The following DHX37 variants were observed in gnomAD, a reference collection of about 807,000 sequenced individuals.
DHX37 encodes the protein DEAH-box helicase 37, also known as probable ATP-dependent RNA helicase DHX37.
In DHX37, 52 loss-of-function variants were observed where a neutral mutation model predicts 134.3. The observed-to-expected ratio is 0.39, with a 90% CI of 0.31 to 0.49. The LOEUF (loss-of-function observed/expected upper bound fraction) is 0.49, where lower values mean the gene tolerates loss of function less well. Ranked by LOEUF, DHX37 falls within the 20% of genes least tolerant of loss-of-function variation. The pLI, the probability that DHX37 is intolerant of heterozygous loss-of-function variation, is 0.93. For synonymous variants in DHX37, 634 were observed against 670.7 expected (o/e 0.95, Z 0.85); for missense variants, 1,344 against 1,580.8 (o/e 0.85, Z 2.54).
At chr12:124,973,408 A>G (rs957284973) in intron 6 of DHX37, among the ~76,000 whole-genome samples, 1 of 152,020 alleles carries the variant, frequency 6.6e-6, no homozygotes, top group African/African-American at 2.4e-5. Flanking sequence ...CGTCTCAAAA[A>G]AGAAAAAAAA....
chr12:124,973,342 TGCAGTGAGCCAAGATC>T (rs1954559950), intron 6 of DHX37, among the ~76,000 whole-genome samples: 1 of 151,704 alleles, frequency 6.6e-6, no homozygotes, highest in Non-Finnish European at 1.5e-5. Context: ...AGGCAAAGGT[TGCAGTGAGCCAAGATC>T]GCACCACTGA....
At chr12:124,966,358 C>T (rs149922608) in intron 12 of DHX37, among the ~76,000 whole-genome samples, 1,595 of 152,078 alleles carry the variant, frequency 0.01, 26 homozygotes, top group African/African-American at 0.037. Context: ...GTAGCCACCA[C>T]GCCTGGCCTT....
chr12:124,980,390 C>A lies in DHX37; in HGVS notation c.738+100G>T. 1.5e-6 allele frequency: 2 copies of A among 1,304,534 alleles called. No individual in the cohort carries two copies. Among genetic ancestry groups the A allele is most frequent in the South Asian group, 2.8e-5 (2 of 70,550 alleles). The allele number at this position is 1,304,534 out of a possible 1,614,324, so 80.8% of individuals were successfully genotyped here. A position where few individuals can be genotyped will look rare whatever the true frequency, so the allele number is the denominator to read the frequency against. ...CCTTTCCCAGATGGGGACATGGAGG[C>A]ACAGAGAAGGGATGCCCTTGCCCCA... On this transcript the variant is annotated intron_variant, in intron 4 of 26. Transcript: ENST00000308736. This position sits in a 1 kb window ranked among gnomAD's most constrained non-coding sequence, Gnocchi z 5.3.
intron 15 of DHX37, among the ~76,000 whole-genome samples, chr12:124,961,947 A>G (rs184407611): frequency 5.8e-4 from 88 of 152,250 alleles, no homozygotes; most frequent in African/African-American, 2.0e-3. Context: ...AAGCTTTCAT[A>G]TTAAAAAAAA....
At chr12:124,964,063 C>G (rs1008148892) in intron 15 of DHX37, among the ~76,000 whole-genome samples, 1 of 151,632 alleles carries the variant, frequency 6.6e-6, no homozygotes, top group Non-Finnish European at 1.5e-5. Context: ...GGCGTGGTGG[C>G]GCACACCAGT....
At chr12:124,952,210 T>C (rs897731363) in intron 21 of DHX37, among the ~76,000 whole-genome samples, 188 bp downstream of exon 21, 1 of 152,078 alleles carries the variant, frequency 6.6e-6, no homozygotes, top group Non-Finnish European at 1.5e-5. Context: ...CACTAAACTG[T>C]TATTAAAAAA....
intron 6 of DHX37, among the ~76,000 whole-genome samples, chr12:124,975,008 T>G (rs1954604161): frequency 6.6e-6 from 1 of 152,132 alleles, no homozygotes; most frequent in Non-Finnish European, 1.5e-5. Context: ...ATTCCAGACC[T>G]CAGGTGATCT....
intron 6 of DHX37, among the ~76,000 whole-genome samples, chr12:124,974,289 TA>T (rs10719401): frequency 0.66 from 100,272 of 151,504 alleles, 33,652 homozygotes; most frequent in East Asian, 0.77. Flanking sequence ...TTTAACAAGT[TA>T]AAAAGAGAAT....
chr12:124,984,258 C>T (rs1297544786), intron 2 of DHX37, among the ~76,000 whole-genome samples: 2 of 152,170 alleles, frequency 1.3e-5, no homozygotes, highest in Admixed American at 1.3e-4. Context: ...TAAGGCTGGG[C>T]GCAGTGGCTC....
chr12:124,976,085 G>A (rs1165369605), intron 5 of DHX37, among the ~76,000 whole-genome samples: 4 of 152,148 alleles, frequency 2.6e-5, no homozygotes, highest in Non-Finnish European at 4.4e-5. Context: ...GGGCTTAGGC[G>A]ACCCCAGTAA....
intron 16 of DHX37, 119 bp from the exon 17 acceptor site, chr12:124,957,254 G>T: frequency 1.1e-6 from 1 of 934,152 alleles, no homozygotes; most frequent in Non-Finnish European, 1.5e-6. Context: ...GCTCATGCCA[G>T]TGGGGACACA....
chr12:124,961,280 A>ACACACATACACGCGTGCACGCACG (rs1566332668), intron 15 of DHX37, among the ~76,000 whole-genome samples: 5 of 115,054 alleles, frequency 4.3e-5, no homozygotes, highest in African/African-American at 1.8e-4. Context: ...GCGTGCACGC[A>ACACACATACACGCGTGCACGCACG]CACACACTTA....
chr12:124,966,914 T>C, intron 11 of DHX37, 36 bp from the exon 12 acceptor site: 1 of 1,613,410 alleles, frequency 6.2e-7, no homozygotes, highest in South Asian at 1.1e-5. Context: ...AAGGCGTCTG[T>C]GGCCGGCGTG....
In DHX37 at chr12:124,956,879, C is replaced by T. The variant is rs1364248127; in HGVS notation, c.2265G>A (p.Arg755=). 5 of 1,584,828 alleles carry T rather than the reference C, an allele frequency of 3.2e-6. No homozygotes were observed. The highest frequency in any genetic ancestry group is 4.3e-6 in the Non-Finnish European group (5 of 1,159,798). Residue 755 remains arginine, a splice_region_variant and synonymous_variant, in exon 18 of 27, where the codon AGG becomes AGA. Coordinates refer to ENST00000308736, the MANE Select transcript of DHX37 (RefSeq NM_032656.4). The part of the protein sequence containing the change: ...GALQPPQKAE[R]VKQLQENRLS... ...GCCGGTTCTCCTGCAGTTGCTTCAC[C>T]CTGGAGATGGAGGTGGTGGTGGCAG...
Position 124,980,875 on chromosome 12 carries a change from C to A in DHX37, c.390-37G>T. 6.5e-7 allele frequency: 1 copy of A among 1,535,292 alleles called. No homozygotes were observed. The highest frequency in any genetic ancestry group is 1.2e-5 in the South Asian group (1 of 84,080). On this transcript the variant is annotated intron_variant, in intron 3 of 26. Coordinates refer to ENST00000308736, the MANE Select transcript of DHX37 (RefSeq NM_032656.4). This position sits in a 1 kb window ranked among gnomAD's most constrained non-coding sequence, Gnocchi z 5.3. The stretch of plus-strand genomic sequence containing the variant: ...GCAGAGACTTCAGGCACAGAGGCCC[C>A]ACCTCAATCCCAGAGGTCAGGACTC...
chr12:124,971,102 G>A (rs1179791427), intron 8 of DHX37, among the ~76,000 whole-genome samples, 200 bp downstream of exon 8: 1 of 152,208 alleles, frequency 6.6e-6, no homozygotes, highest in Non-Finnish European at 1.5e-5. Flanking sequence ...GTGGGGAGGG[G>A]ATCACACAGG....
rs1230460722 is a variant in DHX37, at chr12:124,946,838, A to C, written c.*964T>G. On this transcript the variant is annotated 3_prime_UTR_variant, in exon 27 of 27. Transcript: ENST00000308736. ...CCACAACACAATCTGGGTGCAAGGA[A>C]CATTTTATTCCATAACTGTCTCCAC... The C allele has an allele frequency of 6.6e-6, 1 of 152,252 alleles. No homozygotes were observed. Among genetic ancestry groups the C allele is most frequent in the East Asian group, 1.9e-4 (1 of 5,190 alleles). The allele number at this position is 152,252 out of a possible 1,614,324, so 9.4% of individuals were successfully genotyped here. A position where few individuals can be genotyped will look rare whatever the true frequency, so the allele number is the denominator to read the frequency against.
intron 11 of DHX37, 118 bp from the exon 12 acceptor site, chr12:124,966,996 T>G (rs1301263675): frequency 2.0e-6 from 3 of 1,529,702 alleles, no homozygotes; most frequent in Non-Finnish European, 2.7e-6. Flanking sequence ...GGGGGTGAGG[T>G]GGGGGATGGC....
rs558490802 is a variant in DHX37, at chr12:124,988,821, C to T, written c.106+96G>A. 312 of 679,350 alleles carry T rather than the reference C, an allele frequency of 4.6e-4. 1 individual carries two copies. The African/African-American group carries it at 5.1e-3, about 11-fold the overall frequency. 42.1% of individuals were successfully genotyped at this position (679,350 alleles called of 1,614,324 possible). ...TTCCCCCATTCCAGATGATCCATCC[C>T]ACCCCTCTGGGATCCCCACCCGAGA... On this transcript the variant is annotated intron_variant, in intron 1 of 26. Coordinates refer to ENST00000308736, the MANE Select transcript of DHX37 (RefSeq NM_032656.4).
Sources: gnomAD v4.1 joint callset for allele counts (sites outside exome capture counted in the v4.1 genomes callset) on GRCh38, gnomAD v4.1.1 for gene constraint, Gnocchi (gnomAD v3.1) non-coding constraint, MANE v1.5 for transcripts, NCBI Gene and HGNC (gene_info 2026-07-23, HGNC 2026-07-21) for gene names.